TG: variants seen among roughly 807,000 people sequenced by gnomAD.
The protein encoded by TG is thyroglobulin.
Under a neutral mutation model 324.7 loss-of-function variants are expected in TG, and 270 were observed. That is an observed-to-expected ratio of 0.83 (90% CI 0.75 to 0.92). The LOEUF is 0.92. TG is among the 40% of genes least tolerant of loss of function. The pLI is 0.00. For synonymous variants in TG, 1,401 were observed against 1,327.0 expected, an observed-to-expected ratio of 1.06 and a Z score of -1.21; for missense variants, 3,591 against 3,456.4, an observed-to-expected ratio of 1.04 and a Z score of -0.98.
At chr8:132,868,334 G>A (rs1309755277) in intron 2 of TG, 111 bp downstream of exon 2, 1 of 1,012,850 alleles carries the variant, frequency 9.9e-7, no homozygotes, top group Non-Finnish European at 1.5e-6. Context: ...GTGCATGTGA[G>A]GCTTGGCCAC....
At chr8:133,083,224 C>A (rs1005464310) in intron 41 of TG, among the ~76,000 whole-genome samples, 5 of 152,120 alleles carry the variant, frequency 3.3e-5, no homozygotes, top group Admixed American at 3.3e-4. Context: ...TACTTTATAA[C>A]CTGTAAAACA....
chr8:132,869,932 G>A (rs1364975542), intron 3 of TG, 106 bp downstream of exon 3: 1 of 921,002 alleles, frequency 1.1e-6, no homozygotes, highest in African/African-American at 1.6e-5. Context: ...CCTCCCTCTG[G>A]GCTGCTGGCT....
intron 39 of TG, 56 bp downstream of exon 39, chr8:133,019,751 A>G: frequency 6.9e-7 from 1 of 1,441,850 alleles, no homozygotes; most frequent in South Asian, 1.1e-5. Context: ...TTAGAAATCC[A>G]CTGTCCCCAC....
chr8:133,088,729 T>C (rs2005162), intron 41 of TG, among the ~76,000 whole-genome samples: 2 of 152,082 alleles, frequency 1.3e-5, no homozygotes, highest in Non-Finnish European at 1.5e-5. Context: ...CTAGATCATG[T>C]CTATACCAAC....
chr8:133,050,513 C>T (rs974795754), intron 41 of TG: 1 of 317,858 alleles, frequency 3.1e-6, no homozygotes, highest in African/African-American at 2.1e-5. Context: ...TCCTACATAA[C>T]ATCAACACTG....
At chr8:132,917,817 G>A (rs1820564206) in intron 20 of TG, among the ~76,000 whole-genome samples, 1 of 151,678 alleles carries the variant, frequency 6.6e-6, no homozygotes, top group Non-Finnish European at 1.5e-5. Flanking sequence ...AGCTCTGTGA[G>A]ACTCTCAAAC....
At chr8:132,996,766 A>T (rs1361272755) in intron 35 of TG, among the ~76,000 whole-genome samples, 2 of 152,138 alleles carry the variant, frequency 1.3e-5, no homozygotes, top group East Asian at 3.8e-4. Flanking sequence ...TTCAGAGTGG[A>T]TTATCTGAGT....
chr8:132,996,294 A>G (rs527916803), intron 35 of TG, among the ~76,000 whole-genome samples: 9 of 152,336 alleles, frequency 5.9e-5, no homozygotes, highest in African/African-American at 1.7e-4. Context: ...TTCCTATGTG[A>G]CTAATCTATT....
intron 41 of TG, among the ~76,000 whole-genome samples, chr8:133,070,970 A>G (rs1165185701): frequency 6.6e-6 from 1 of 152,186 alleles, no homozygotes; most frequent in Non-Finnish European, 1.5e-5. Context: ...CATTTTCTGC[A>G]CTTTCTGTCT....
intron 14 of TG, 147 bp downstream of exon 14, chr8:132,899,057 G>A (rs1817553789): frequency 1.3e-6 from 1 of 749,414 alleles, no homozygotes; most frequent in South Asian, 1.5e-5. Flanking sequence ...CTAGAACCTG[G>A]TTCTGTGACC....
At chr8:133,053,613 T>C (rs1405589352) in intron 41 of TG, among the ~76,000 whole-genome samples, 1 of 152,204 alleles carries the variant, frequency 6.6e-6, no homozygotes, top group Admixed American at 6.5e-5. Context: ...AGGTAGATGG[T>C]GTGTCTACAG....
intron 45 of TG, among the ~76,000 whole-genome samples, chr8:133,124,015 G>A (rs1196763968): frequency 6.6e-6 from 1 of 152,240 alleles, no homozygotes; most frequent in African/African-American, 2.4e-5. Flanking sequence ...TATTATGCTG[G>A]AAGAATCCAA....
At chr8:133,106,628 A>G (rs1040359126) in intron 43 of TG, among the ~76,000 whole-genome samples, 2 of 151,630 alleles carry the variant, frequency 1.3e-5, no homozygotes, top group Non-Finnish European at 2.9e-5. Flanking sequence ...TCTTGTCTGG[A>G]CTCAACCATC....
chr8:132,917,017 CCCTCCATG>C (rs200621979), intron 20 of TG, among the ~76,000 whole-genome samples: 1,788 of 65,486 alleles, frequency 0.027, 81 homozygotes, highest in Middle Eastern at 0.071. Flanking sequence ...CTCCCTTCCT[CCCTCCATG>C]CCTCCCTCCC....
At chr8:132,934,402 T>C (rs1361783745) in intron 24 of TG, among the ~76,000 whole-genome samples, 1 of 152,188 alleles carries the variant, frequency 6.6e-6, no homozygotes, top group East Asian at 1.9e-4. Context: ...TAGAACCACA[T>C]AACATTGCTG....
Position 132,967,831 on chromosome 8 carries a change from G to A in TG, c.5724G>A (p.Glu1908=). 1.9e-6 allele frequency: 3 copies of A among 1,613,964 alleles called. No homozygotes were observed. The highest frequency in any genetic ancestry group is 2.5e-6 in the Non-Finnish European group (3 of 1,179,914). Residue 1908 remains glutamate (E), a synonymous_variant, in exon 31 of 48, where the codon GAG becomes GAA. Coordinates refer to ENST00000220616, the MANE Select transcript of TG (RefSeq NM_003235.5). ...VQEHSFCQLA[E]ITESASLYFT... is the part of the protein sequence containing the mutation. ...AGCACTCTTTCTGTCAGCTCGCAGA[G>A]ATAACAGAGAGTGCATCCTTGTACT... is the stretch of plus-strand genomic sequence containing the variant.
intron 5 of TG, among the ~76,000 whole-genome samples, 158 bp from the exon 6 acceptor site, chr8:132,881,705 A>G (rs1814666501): frequency 6.6e-6 from 1 of 152,224 alleles, no homozygotes; most frequent in Admixed American, 6.5e-5. Flanking sequence ...TTGTAAAGGA[A>G]ATGCATTTAC....
At chr8:132,893,457 A>T (rs1179575916) in intron 10 of TG, among the ~76,000 whole-genome samples, 8 of 52,696 alleles carry the variant, frequency 1.5e-4, no homozygotes, top group East Asian at 1.2e-3. Context: ...TGTGTGTAGT[A>T]TGGGGGGTGG....
At chr8:132,946,416 C>T (rs1331355138) in intron 26 of TG, among the ~76,000 whole-genome samples, 1 of 152,142 alleles carries the variant, frequency 6.6e-6, no homozygotes, top group African/African-American at 2.4e-5. Context: ...AAAGTCAAGC[C>T]TTCTTTGAGA....
Sources: gnomAD v4.1 joint callset for allele counts (sites outside exome capture counted in the v4.1 genomes callset) on GRCh38, gnomAD v4.1.1 for gene constraint, MANE v1.5 for transcripts, NCBI Gene and HGNC (gene_info 2026-07-23, HGNC 2026-07-21) for gene names.